Variants in DDX60 observed in about 807,000 individuals in gnomAD.
The protein encoded by DDX60 is probable ATP-dependent RNA helicase DDX60.
A neutral mutation model predicts 212.8 loss-of-function variants in DDX60; 165 were observed. The ratio of observed to expected loss-of-function variants is 0.78; its 90% confidence interval spans 0.68 to 0.88. The LOEUF (loss-of-function observed/expected upper bound fraction) is 0.88. Ranked by LOEUF, DDX60 falls within the 40% of genes least tolerant of loss-of-function variation. The probability of loss-of-function intolerance (pLI) is 0.00; values close to 1 mark genes in which losing one functional copy is unlikely to be tolerated. For missense variants in DDX60, 1,905 were observed against 2,003.9 expected, an observed-to-expected ratio of 0.95 and a Z score of 0.94; for synonymous variants, 703 against 685.3, an observed-to-expected ratio of 1.03 and a Z score of -0.40.
chr4:168,274,515 C>A (rs1735243816), intron 16 of DDX60, among the ~76,000 whole-genome samples: 1 of 152,102 alleles, frequency 6.6e-6, no homozygotes. Flanking sequence ...ATCCCTTCAG[C>A]CGAAGAATGT....
intron 16 of DDX60, among the ~76,000 whole-genome samples, chr4:168,274,557 T>C (rs1415640039): frequency 6.6e-6 from 1 of 152,138 alleles, no homozygotes; most frequent in Non-Finnish European, 1.5e-5. Flanking sequence ...TAAGTCTATG[T>C]AATAGGTAGA....
chr4:168,272,299 C>T (rs958057687), intron 18 of DDX60, among the ~76,000 whole-genome samples, 161 bp from the exon 19 acceptor site: 3 of 152,202 alleles, frequency 2.0e-5, no homozygotes, highest in African/African-American at 7.2e-5. Flanking sequence ...CAAAACTGTG[C>T]TATATTCATT....
chr4:168,290,725 G>T (rs1044855113), intron 8 of DDX60, among the ~76,000 whole-genome samples: 2 of 152,078 alleles, frequency 1.3e-5, no homozygotes, highest in Non-Finnish European at 2.9e-5. Flanking sequence ...AGATTATAAA[G>T]CATTCTATGA....
intron 34 of DDX60, among the ~76,000 whole-genome samples, chr4:168,225,094 C>G (rs941931245): frequency 6.6e-6 from 1 of 152,008 alleles, no homozygotes; most frequent in African/African-American, 2.4e-5. Context: ...TATATCTGTT[C>G]AGAAAACTAA....
intron 8 of DDX60, among the ~76,000 whole-genome samples, chr4:168,290,874 ATGTT>A (rs1380419315): frequency 6.6e-6 from 1 of 152,132 alleles, no homozygotes; most frequent in Non-Finnish European, 1.5e-5. Context: ...AATGTACTAA[ATGTT>A]TGTGGACTGG....
Position 168,302,172 on chromosome 4 carries a change from G to C in DDX60, c.723+128C>G, listed in dbSNP as rs1736674796. 6.5e-6 allele frequency: 3 copies of C among 462,340 alleles called. No homozygotes were observed. The Admixed American group carries it at 1.3e-4, about 19-fold the overall frequency. 28.6% of individuals were successfully genotyped at this position (462,340 alleles called of 1,614,324 possible). A position where few individuals can be genotyped will look rare whatever the true frequency, so the allele number is the denominator to read the frequency against. Reference sequence around the variant, plus strand: ...TTCCTGGTTTTCATAAATGTTCCGTGGTTATTTAAGATGTTAACATTAGGA... The same window carrying C: ...TTCCTGGTTTTCATAAATGTTCCGTCGTTATTTAAGATGTTAACATTAGGA... On this transcript the variant is annotated intron_variant, in intron 6 of 37. Coordinates refer to ENST00000393743, the MANE Select transcript of DDX60 (RefSeq NM_017631.6).
intron 33 of DDX60, among the ~76,000 whole-genome samples, chr4:168,231,393 G>T (rs1467549820): frequency 6.7e-6 from 1 of 148,246 alleles, no homozygotes; most frequent in Non-Finnish European, 1.5e-5. Flanking sequence ...ACCAGGAAAT[G>T]ACATAACAAA....
At chr4:168,310,720 T>C (rs563383725) in intron 3 of DDX60, among the ~76,000 whole-genome samples, 1 of 152,284 alleles carries the variant, frequency 6.6e-6, no homozygotes, top group Non-Finnish European at 1.5e-5. Flanking sequence ...AATGTGATGA[T>C]TGGGTTTTCA....
intron 19 of DDX60, among the ~76,000 whole-genome samples, chr4:168,269,906 TCAG>T (rs1391307002): frequency 1.3e-5 from 2 of 152,140 alleles, no homozygotes; most frequent in Non-Finnish European, 2.9e-5. Flanking sequence ...ATGGTAGAGT[TCAG>T]CTCAATGCCA....
chr4:168,227,405 T>C (rs939008851), intron 33 of DDX60, among the ~76,000 whole-genome samples: 2 of 152,064 alleles, frequency 1.3e-5, no homozygotes, highest in African/African-American at 4.8e-5. Flanking sequence ...ATAGAGCCTG[T>C]AGTACTGCCC....
chr4:168,298,762 G>T (rs1011352710), intron 6 of DDX60, among the ~76,000 whole-genome samples: 3 of 151,960 alleles, frequency 2.0e-5, no homozygotes, highest in African/African-American at 7.3e-5. Flanking sequence ...TGGTGATAGG[G>T]AATCTTCATT....
chr4:168,319,123 T>C (rs1364355709), upstream of DDX60, among the ~76,000 whole-genome samples: 1 of 152,084 alleles, frequency 6.6e-6, no homozygotes, highest in African/African-American at 2.4e-5. Context: ...GATTTGATCA[T>C]CACACAATGT....
intron 14 of DDX60, among the ~76,000 whole-genome samples, chr4:168,279,644 T>G (rs1735503511): frequency 6.6e-6 from 1 of 152,110 alleles, no homozygotes. Context: ...AATGGAGAAG[T>G]TAGGAAAATA....
intron 4 of DDX60, 97 bp from the exon 5 acceptor site, chr4:168,306,817 C>T: frequency 1.1e-6 from 1 of 922,340 alleles, no homozygotes. Context: ...GAATAAAATC[C>T]AACAGTTTTG....
At chr4:168,268,797 A>C in intron 20 of DDX60, 57 bp downstream of exon 20, 4 of 979,798 alleles carry the variant, frequency 4.1e-6, no homozygotes, top group Admixed American at 5.0e-5. Context: ...AGAAATTATG[A>C]AATTCAAATA....
Position 168,293,636 on chromosome 4 carries a change from G to C in DDX60, c.882+151C>G, listed in dbSNP as rs1434040286. The stretch of plus-strand genomic sequence containing the variant: ...TTTAATGGCACAATAAGTGTTTCCT[G>C]ATAGACACAAATTTCAGTTTTATTT... On this transcript the variant is annotated intron_variant, in intron 7 of 37. Coordinates refer to ENST00000393743, the MANE Select transcript of DDX60 (RefSeq NM_017631.6). 5.8e-6 allele frequency: 4 copies of C among 687,568 alleles called. No homozygotes were observed. The East Asian group carries it at 8.0e-5, about 14-fold the overall frequency. The allele number at this position is 687,568 out of a possible 1,614,324, so 42.6% of individuals were successfully genotyped here.
chr4:168,242,313 C>T (rs1225581433), intron 30 of DDX60, among the ~76,000 whole-genome samples: 1 of 152,164 alleles, frequency 6.6e-6, no homozygotes, highest in African/African-American at 2.4e-5. Context: ...AGAGGACCCC[C>T]ACCCTCCAGA....
chr4:168,221,946 T>C, intron 35 of DDX60, 65 bp from the exon 36 acceptor site: 2 of 1,501,690 alleles, frequency 1.3e-6, no homozygotes, highest in Non-Finnish European at 1.8e-6. Flanking sequence ...ATTTCTTATG[T>C]GGTGCTTTGT....
At position 168,220,598 on chromosome 4, in the gene DDX60, C is replaced by A. The variant is rs1733018481; in HGVS notation, c.5039+57G>T. 5.8e-6 allele frequency: 6 copies of A among 1,043,322 alleles called. No homozygotes were observed. The East Asian group carries it at 1.8e-4, about 31-fold the overall frequency. 64.6% of individuals were successfully genotyped at this position (1,043,322 alleles called of 1,614,324 possible). ...CTTATAGTAACAGCTCAACATTTTTCAAATTATAAATAAATTATTAAAAAA... is the reference window on the plus strand; with the variant it reads ...CTTATAGTAACAGCTCAACATTTTTAAAATTATAAATAAATTATTAAAAAA... On this transcript the variant is annotated intron_variant, in intron 37 of 37. Transcript: ENST00000393743.
Sources: allele counts gnomAD v4.1 joint callset (sites outside exome capture counted in the v4.1 genomes callset), GRCh38; gene constraint gnomAD v4.1.1; transcripts MANE v1.5; gene names NCBI Gene and HGNC (gene_info 2026-07-23, HGNC 2026-07-21).